The following GNA13 variants were observed in gnomAD, a reference collection of about 807,000 sequenced individuals.
GNA13 encodes guanine nucleotide-binding protein subunit alpha-13.
A neutral mutation model predicts 33.5 loss-of-function variants in GNA13; 4 were observed. That is an observed-to-expected ratio of 0.12 (90% CI 0.06 to 0.27). The LOEUF is 0.27. GNA13 is among the 10% of genes least tolerant of loss of function. The pLI, the probability that GNA13 is intolerant of heterozygous loss-of-function variation, is 1.00. For missense variants in GNA13, 319 were observed against 487.2 expected (o/e 0.65, Z 3.25); for synonymous variants, 176 against 183.8 (o/e 0.96, Z 0.34).
intron 1 of GNA13, 56 bp downstream of exon 1, chr17:65,056,255 G>GCCC: frequency 5.9e-6 from 3 of 508,070 alleles, no homozygotes; most frequent in Non-Finnish European, 1.0e-5. Flanking sequence ...CCCCGCACCC[G>GCCC]CCGCCGCCCC....
At chr17:65,033,564 A>C (rs1428602653) in intron 2 of GNA13, among the ~76,000 whole-genome samples, 1 of 152,166 alleles carries the variant, frequency 6.6e-6, no homozygotes, top group East Asian at 1.9e-4. Flanking sequence ...CTTTCTGTTT[A>C]GTTCAGGAGG....
At chr17:65,053,890 TA>T (rs57652857) in intron 1 of GNA13, among the ~76,000 whole-genome samples, 162 bp from the exon 2 acceptor site, 1 of 151,858 alleles carries the variant, frequency 6.6e-6, no homozygotes. Flanking sequence ...TCTCAGAGGT[TA>T]AAAAAAATAA....
chr17:65,040,558 G>A (rs551783936), intron 2 of GNA13, among the ~76,000 whole-genome samples: 84 of 152,212 alleles, frequency 5.5e-4, no homozygotes, highest in African/African-American at 1.8e-3. Context: ...AGGCTGGAGT[G>A]CCGTGGCATG....
At chr17:65,027,749 A>T (rs1166836251) in intron 2 of GNA13, among the ~76,000 whole-genome samples, 3 of 152,214 alleles carry the variant, frequency 2.0e-5, no homozygotes, top group Admixed American at 2.0e-4. Context: ...TTACAACAAA[A>T]GGCTTTCCTA....
intron 2 of GNA13, among the ~76,000 whole-genome samples, chr17:65,026,055 A>AT (rs1460544519): frequency 6.6e-6 from 1 of 152,068 alleles, no homozygotes; most frequent in Non-Finnish European, 1.5e-5. Context: ...TAAGGTTTTA[A>AT]TTTTCAGAGT....
At chr17:65,031,632 G>A (rs1248809438) in intron 2 of GNA13, among the ~76,000 whole-genome samples, 1 of 152,062 alleles carries the variant, frequency 6.6e-6, no homozygotes, top group Admixed American at 6.6e-5. Flanking sequence ...TTCCATCAGT[G>A]TTATAATCCC....
At chr17:65,047,134 C>A (rs1427320949) in intron 2 of GNA13, among the ~76,000 whole-genome samples, 2 of 152,110 alleles carry the variant, frequency 1.3e-5, no homozygotes, top group East Asian at 3.8e-4. Flanking sequence ...CGTAAATAAA[C>A]ATAAAGCTCT....
At chr17:65,056,209 T>A in intron 1 of GNA13, 102 bp downstream of exon 1, 1 of 994,062 alleles carries the variant, frequency 1.0e-6, no homozygotes, top group Non-Finnish European at 1.4e-6. Flanking sequence ...GGCCCGTTCC[T>A]TCGCCAGCGA....
chr17:65,021,304 T>C (rs111377572), intron 2 of GNA13, among the ~76,000 whole-genome samples: 19 of 152,314 alleles, frequency 1.2e-4, no homozygotes, highest in Middle Eastern at 3.4e-3. Context: ...CCACGAACCA[T>C]ATTTCTTACG....
chr17:65,025,345 C>T (rs1395484768), intron 2 of GNA13, among the ~76,000 whole-genome samples: 1 of 152,150 alleles, frequency 6.6e-6, no homozygotes, highest in African/African-American at 2.4e-5. Flanking sequence ...ACTTATTTGA[C>T]AATTCTGACA....
rs761611630 is a variant in GNA13, at chr17:65,056,617, G to T, written c.-24C>A. The T allele has an allele frequency of 6.4e-7, 1 of 1,551,924 alleles. No homozygotes were observed. The highest frequency in any genetic ancestry group is 1.7e-5 in the Admixed American group (1 of 59,250). ...ATCTTGCCGCCGCCGCCGCCGCCTCGGCGGGCCCCTCCGGCTCCCTCCACC... is the reference window on the plus strand; with the variant it reads ...ATCTTGCCGCCGCCGCCGCCGCCTCTGCGGGCCCCTCCGGCTCCCTCCACC... On this transcript the variant is annotated 5_prime_UTR_variant, in exon 1 of 4. Transcript: ENST00000439174.
In GNA13 at chr17:65,010,183, C is replaced by A. The variant is rs149021677; in HGVS notation, c.*4074G>T. On this transcript the variant is annotated 3_prime_UTR_variant, in exon 4 of 4. Transcript: ENST00000439174. ...GAACATAACTTAAATGCTAACTACA[C>A]GTTCAAGTACAGACATAAGAATGCT... Among the ~76,000 whole-genome samples, 3 of 152,288 alleles carry A rather than the reference C, an allele frequency of 2.0e-5. No homozygotes were observed. The East Asian group carries it at 5.8e-4, about 29-fold the overall frequency.
intron 2 of GNA13, among the ~76,000 whole-genome samples, chr17:65,033,587 A>G (rs2143800420): frequency 6.6e-6 from 1 of 152,334 alleles, no homozygotes; most frequent in South Asian, 2.1e-4. Flanking sequence ...TAAAATGTTC[A>G]GTTCATGAGG....
intron 2 of GNA13, among the ~76,000 whole-genome samples, chr17:65,048,283 C>T (rs1429249820): frequency 1.3e-5 from 2 of 152,122 alleles, no homozygotes; most frequent in East Asian, 3.8e-4. Flanking sequence ...CAGTTTTCAT[C>T]CATATCTCCA....
At position 65,010,378 on chromosome 17, in the gene GNA13, C is replaced by T. The variant is rs1055871841; in HGVS notation, c.*3879G>A. ...TACATTTATTAATAAGCCCTAACCT[C>T]GTACCATAAAAAAATGGGCATGTGC... On this transcript the variant is annotated 3_prime_UTR_variant, in exon 4 of 4. Coordinates refer to ENST00000439174, the MANE Select transcript of GNA13 (RefSeq NM_006572.6). Among the ~76,000 whole-genome samples the T allele has an allele frequency of 1.3e-5, 2 of 151,942 alleles. No homozygotes were observed. The highest frequency in any genetic ancestry group is 2.4e-5 in the African/African-American group (1 of 41,386).
chr17:65,032,376 T>A (rs1907082368), intron 2 of GNA13, among the ~76,000 whole-genome samples: 1 of 152,198 alleles, frequency 6.6e-6, no homozygotes, highest in Non-Finnish European at 1.5e-5. Flanking sequence ...CTGCCCACAC[T>A]ATCTGAAATC....
rs547090615 is a variant in GNA13, at chr17:65,015,474, AAC to A, written c.562-647_562-646del. Among the ~76,000 whole-genome samples, 9 of 152,098 alleles carry A rather than the reference AAC, an allele frequency of 5.9e-5. No homozygotes were observed. In the South Asian group the frequency reaches 1.9e-3, roughly 32 times the overall value. The stretch of plus-strand genomic sequence containing the variant: ...TCAGGAGATTGAGACCATCCTGGCT[AAC>A]ACAGTGAAACCCCATCTCTACTAAA... On this transcript the variant is annotated intron_variant, in intron 3 of 3. Transcript: ENST00000439174.
intron 2 of GNA13, among the ~76,000 whole-genome samples, chr17:65,028,080 G>A (rs188552027): frequency 6.6e-6 from 1 of 152,310 alleles, no homozygotes; most frequent in East Asian, 1.9e-4. Flanking sequence ...CAAAAAATCA[G>A]CCGGGCGCGG....
In GNA13 at chr17:65,014,557, G is replaced by C; in HGVS notation, c.834C>G (p.Asn278Lys). The C allele has an allele frequency of 6.2e-7, 1 of 1,614,132 alleles. No individual in the cohort carries two copies. The highest frequency in any genetic ancestry group is 8.5e-7 in the Non-Finnish European group (1 of 1,179,986). Residue 278 changes from asparagine (N) to lysine (K), a missense_variant, in exon 4 of 4, where the codon AAC becomes AAG. By Grantham distance (94) the Asn-to-Lys change is moderately conservative. Coordinates refer to ENST00000439174, the MANE Select transcript of GNA13 (RefSeq NM_006572.6). This position sits in a 1 kb window ranked among gnomAD's most constrained non-coding sequence, Gnocchi z 5.3. ...SLNIFETIVNNRVFSNVSIIL... is the reference protein window; with the variant it reads ...SLNIFETIVNKRVFSNVSIIL... ...TTATGGAGACATTGCTGAAAACCCG[G>C]TTATTGACGATTGTTTCAAAAATGT...
Sources: gnomAD v4.1 joint callset for allele counts (sites outside exome capture counted in the v4.1 genomes callset) on GRCh38, gnomAD v4.1.1 for gene constraint, Gnocchi (gnomAD v3.1) non-coding constraint, MANE v1.5 for transcripts, NCBI Gene and HGNC (gene_info 2026-07-23, HGNC 2026-07-21) for gene names.